CADM2: variants seen among roughly 807,000 people sequenced by gnomAD.
CADM2 encodes cell adhesion molecule 2, also known as immunoglobulin superfamily member 4D.
In CADM2, 12 loss-of-function variants were observed where a neutral mutation model predicts 49.8. The ratio of observed to expected loss-of-function variants is 0.24; its 90% CI spans 0.15 to 0.39. The LOEUF is 0.39. Ranked by LOEUF, CADM2 falls within the 10% of genes least tolerant of loss-of-function variation. The pLI, the probability that CADM2 is intolerant of heterozygous loss-of-function variation, is 1.00. For missense variants in CADM2, 378 were observed against 492.3 expected (o/e 0.77, Z 2.20); for synonymous variants, 214 against 175.4 (o/e 1.22, Z -1.74).
At position 85,658,793 on chromosome 3, in the gene CADM2, G is replaced by C. The variant is rs373174992; in HGVS notation, c.62-67729G>C. 5.1e-4 allele frequency among the ~76,000 whole-genome samples: 77 copies of C among 150,376 alleles called. No homozygotes were observed. The East Asian group carries it at 0.012, about 23-fold the overall frequency. ...AAGCTGGACATGGTAACACACACCT[G>C]TAATTCCAGTGCTTTGAGAGACTGA... On this transcript the variant is annotated intron_variant, in intron 1 of 9. Coordinates refer to ENST00000383699, the MANE Select transcript of CADM2 (RefSeq NM_001167675.2).
At chr3:85,413,259 A>G (rs1267569152) in intron 1 of CADM2, among the ~76,000 whole-genome samples, 2 of 151,542 alleles carry the variant, frequency 1.3e-5, no homozygotes, top group African/African-American at 2.4e-5. Context: ...TTTTTTCAGT[A>G]CACATATACA....
intron 1 of CADM2, among the ~76,000 whole-genome samples, chr3:85,549,789 A>ATTTTTTT (rs71617942): frequency 1.2e-3 from 163 of 134,828 alleles, no homozygotes; most frequent in African/African-American, 4.1e-3. Flanking sequence ...ATGCTGGGCT[A>ATTTTTTT]TTTTTTTTTT....
rs1447560004 is a variant in CADM2 at position 85,433,057 on chromosome 3, AT to A, written c.62-293462del. Among the ~76,000 whole-genome samples, 3 of 152,112 alleles carry A rather than the reference AT, an allele frequency of 2.0e-5. No individual in the cohort carries two copies. The East Asian group carries it at 5.8e-4, about 29-fold the overall frequency. On this transcript the variant is annotated intron_variant, in intron 1 of 9. Coordinates refer to ENST00000383699, the MANE Select transcript of CADM2 (RefSeq NM_001167675.2). ...TGCTATTTAATTAGAAGTATGAAGT[AT>A]TTAAGAATTTATACATGTATTTAGG...
At chr3:85,479,310 C>T (rs2039113057) in intron 1 of CADM2, among the ~76,000 whole-genome samples, 1 of 151,798 alleles carries the variant, frequency 6.6e-6, no homozygotes, top group African/African-American at 2.4e-5. Flanking sequence ...AGTGGACCAA[C>T]ATCAGAAGAA....
intron 1 of CADM2, among the ~76,000 whole-genome samples, chr3:85,332,990 C>T (rs818225): frequency 0.58 from 87,380 of 151,600 alleles, 26,780 homozygotes; most frequent in African/African-American, 0.8. Context: ...ATAAGTTTTG[C>T]TTCGTGTACA....
intron 5 of CADM2, among the ~76,000 whole-genome samples, chr3:85,893,934 T>A (rs1017932261): frequency 6.6e-6 from 1 of 152,212 alleles, no homozygotes; most frequent in Non-Finnish European, 1.5e-5. Context: ...TGGAAGTCAG[T>A]GTGGCGATTC....
intron 8 of CADM2, chr3:85,994,250 A>C (rs962463064): frequency 2.0e-5 from 3 of 151,996 alleles, no homozygotes; most frequent in Admixed American, 2.0e-4. Context: ...AAGATGACCT[A>C]TTTTCTTAAG....
intron 5 of CADM2, among the ~76,000 whole-genome samples, 175 bp from the exon 6 acceptor site, chr3:85,912,198 T>G (rs1322019753): frequency 1.3e-5 from 2 of 152,156 alleles, no homozygotes; most frequent in African/African-American, 4.8e-5. Context: ...ATTTATTTTT[T>G]AAGTAATTGT....
At chr3:85,568,397 C>CTCTTTCTCTT (rs2062336792) in intron 1 of CADM2, among the ~76,000 whole-genome samples, 2 of 52,026 alleles carry the variant, frequency 3.8e-5, no homozygotes, top group African/African-American at 8.6e-5. Flanking sequence ...TCCTTCCTCC[C>CTCTTTCTCTT]TCTTTCTTTC....
rs573732470 is a variant in CADM2 at position 85,906,233 on chromosome 3, G to C, written c.530-6140G>C. 4.6e-5 allele frequency among the ~76,000 whole-genome samples: 7 copies of C among 152,138 alleles called. No individual in the cohort carries two copies. The South Asian group carries it at 1.5e-3, about 32-fold the overall frequency. On this transcript the variant is annotated intron_variant, in intron 5 of 9. Coordinates refer to ENST00000383699, the MANE Select transcript of CADM2 (RefSeq NM_001167675.2). The stretch of plus-strand genomic sequence containing the variant: ...GGACATTCTAATGTAGACAAATATA[G>C]AGCCCACCCTGAGGCTTCGAGTCAG...
At chr3:85,301,168 G>A (rs7648317) in intron 1 of CADM2, among the ~76,000 whole-genome samples, 8,826 of 152,126 alleles carry the variant, frequency 0.058, 378 homozygotes, top group Non-Finnish European at 0.089. Context: ...CTACATTTCA[G>A]GAGGTACCAT....
intron 1 of CADM2, among the ~76,000 whole-genome samples, chr3:85,255,904 A>G (rs899145343): frequency 6.6e-6 from 1 of 152,110 alleles, no homozygotes; most frequent in Admixed American, 6.6e-5. Flanking sequence ...ATTTCCAGAA[A>G]AATCTGCTTT....
intron 1 of CADM2, among the ~76,000 whole-genome samples, chr3:85,245,627 G>A (rs187937419): frequency 4.1e-4 from 63 of 152,044 alleles, no homozygotes; most frequent in Non-Finnish European, 7.4e-4. Flanking sequence ...GGTCTCCTGT[G>A]GAATTGACCA....
chr3:85,569,321 C>G (rs1019163466), intron 1 of CADM2, among the ~76,000 whole-genome samples: 9 of 150,202 alleles, frequency 6.0e-5, no homozygotes, highest in Admixed American at 2.7e-4. Flanking sequence ...CATGGTAAGA[C>G]TATCCTATAT....
chr3:85,823,101 A>G (rs1479617119), intron 3 of CADM2, among the ~76,000 whole-genome samples: 2 of 152,160 alleles, frequency 1.3e-5, no homozygotes, highest in African/African-American at 2.4e-5. Context: ...CTAGTTTCTT[A>G]TCTTGTATAA....
chr3:84,986,322 C>A (rs565517337), intron 1 of CADM2, among the ~76,000 whole-genome samples: 1 of 152,140 alleles, frequency 6.6e-6, no homozygotes, highest in Admixed American at 6.5e-5. Flanking sequence ...CTTTTGTGTA[C>A]CTGCCCACAG....
chr3:85,443,811 G>C (rs1363931508), intron 1 of CADM2, among the ~76,000 whole-genome samples: 1 of 152,030 alleles, frequency 6.6e-6, no homozygotes, highest in Non-Finnish European at 1.5e-5. Context: ...ATCTCTTCCA[G>C]CCTCATAGGT....
intron 1 of CADM2, among the ~76,000 whole-genome samples, chr3:85,371,078 C>A (rs1381122123): frequency 6.6e-6 from 1 of 151,856 alleles, no homozygotes; most frequent in Non-Finnish European, 1.5e-5. Context: ...CAAAAAAATT[C>A]TAAAAGCATA....
intron 1 of CADM2, among the ~76,000 whole-genome samples, chr3:85,219,030 C>G (rs1407713672): frequency 6.6e-6 from 1 of 151,936 alleles, no homozygotes; most frequent in Non-Finnish European, 1.5e-5. Flanking sequence ...TGTAAGATTA[C>G]TTTATATAAA....
Sources: allele counts gnomAD v4.1 joint callset (sites outside exome capture counted in the v4.1 genomes callset), GRCh38; gene constraint gnomAD v4.1.1; transcripts MANE v1.5; gene names NCBI Gene and HGNC (gene_info 2026-07-23, HGNC 2026-07-21).